The following UNC13C variants were observed in gnomAD, a reference collection of about 807,000 sequenced individuals.
The protein encoded by UNC13C is unc-13 homolog C.
UNC13C carries 174 observed loss-of-function variants against 245.4 expected under a neutral mutation model. The ratio of observed to expected loss-of-function variants is 0.71; its 90% confidence interval spans 0.63 to 0.80. The LOEUF (loss-of-function observed/expected upper bound fraction) is 0.80. Among genes scored for constraint, UNC13C ranks in the 30% least tolerant of loss-of-function variants. The pLI is 0.00. For synonymous variants in UNC13C, 992 were observed against 895.1 expected (o/e 1.11, Z -1.93); for missense variants, 2,829 against 2,602.9 (o/e 1.09, Z -1.89).
intron 31 of UNC13C, among the ~76,000 whole-genome samples, chr15:54,622,828 A>G (rs550951370): frequency 8.4e-4 from 128 of 152,246 alleles, no homozygotes; most frequent in Non-Finnish European, 1.5e-3. Flanking sequence ...TTGGTTTTAC[A>G]TTGTAAAAAC....
chr15:54,343,101 A>G (rs914931417), intron 17 of UNC13C, among the ~76,000 whole-genome samples: 4 of 151,940 alleles, frequency 2.6e-5, no homozygotes, highest in African/African-American at 9.7e-5. Flanking sequence ...GCTAAGATTG[A>G]AACTTTTTAT....
intron 19 of UNC13C, among the ~76,000 whole-genome samples, chr15:54,477,623 G>A (rs554454266): frequency 1.0e-4 from 12 of 120,468 alleles, no homozygotes; most frequent in Admixed American, 1.6e-4. Flanking sequence ...ATTGATTTGC[G>A]TATATTGAAC....
At chr15:54,614,367 G>A (rs904893945) in intron 30 of UNC13C, among the ~76,000 whole-genome samples, 2 of 151,784 alleles carry the variant, frequency 1.3e-5, no homozygotes, top group African/African-American at 4.8e-5. Context: ...GACTCTATAG[G>A]CATCTATTCA....
chr15:54,401,015 G>T (rs1205602254), intron 18 of UNC13C, among the ~76,000 whole-genome samples: 2 of 151,916 alleles, frequency 1.3e-5, no homozygotes, highest in Non-Finnish European at 2.9e-5. Flanking sequence ...GGTTTTATAA[G>T]GTTACCATTT....
chr15:54,481,741 A>C (rs1036220009), intron 19 of UNC13C, among the ~76,000 whole-genome samples: 1 of 152,094 alleles, frequency 6.6e-6, no homozygotes, highest in African/African-American at 2.4e-5. Flanking sequence ...TCCAGAGGAC[A>C]TGAAAAGTTG....
the UNC13C span, among the ~76,000 whole-genome samples, chr15:53,932,297 C>T: frequency 7.4e-6 from 1 of 134,980 alleles, no homozygotes; most frequent in Non-Finnish European, 1.6e-5. Context: ...AACAGTGAGA[C>T]TCCATCTCAA....
chr15:54,143,747 A>C, intron 4 of UNC13C, 63 bp downstream of exon 4: 1 of 1,289,536 alleles, frequency 7.8e-7, no homozygotes, highest in South Asian at 1.3e-5. Flanking sequence ...TGTGTTCTCA[A>C]CATATATGCT....
intron 30 of UNC13C, among the ~76,000 whole-genome samples, chr15:54,597,565 C>G (rs1010422811): frequency 6.6e-6 from 1 of 152,090 alleles, no homozygotes; most frequent in Non-Finnish European, 1.5e-5. Flanking sequence ...CCCTGAGACA[C>G]CGCAAAAGGG....
intron 1 of UNC13C, among the ~76,000 whole-genome samples, chr15:53,999,906 G>GGT (rs1894808734): frequency 1.3e-5 from 2 of 151,932 alleles, no homozygotes; most frequent in African/African-American, 4.8e-5. Context: ...CACGATATAT[G>GGT]CTCTGTAAGA....
intron 22 of UNC13C, among the ~76,000 whole-genome samples, chr15:54,503,935 G>T (rs943512259): frequency 6.6e-6 from 1 of 151,944 alleles, no homozygotes; most frequent in African/African-American, 2.4e-5. Context: ...TATCTGTAGA[G>T]ATTTAAAAAT....
chr15:54,050,951 T>A, intron 2 of UNC13C: 1 of 534,024 alleles, frequency 1.9e-6, no homozygotes, highest in South Asian at 1.4e-5. Flanking sequence ...CAGTGGCAAT[T>A]GCTTTCATAT....
chr15:54,278,722 TTCA>T (rs755243889), intron 10 of UNC13C, among the ~76,000 whole-genome samples: 22 of 152,158 alleles, frequency 1.4e-4, no homozygotes, highest in Non-Finnish European at 2.5e-4. Flanking sequence ...CACATCCTTC[TTCA>T]TCATGCAGAA....
Position 54,398,945 on chromosome 15 carries a change from A to T in UNC13C, c.4847+5764A>T, listed in dbSNP as rs539593668. On this transcript the variant is annotated intron_variant, in intron 18 of 32. Transcript: ENST00000260323. ...ATGTTTTGTTTTTTGTTTTAAATTA[A>T]TTTTTTTCTCATTCCTTTACTATTG... Among the ~76,000 whole-genome samples, 27 of 151,620 alleles carry T rather than the reference A, an allele frequency of 1.8e-4. No individual in the cohort carries two copies. The South Asian group carries it at 5.0e-3, about 28-fold the overall frequency.
the UNC13C span, among the ~76,000 whole-genome samples, chr15:53,894,257 G>T: frequency 6.6e-6 from 1 of 152,210 alleles, no homozygotes; most frequent in Non-Finnish European, 1.5e-5. Context: ...ATCGCGCTGG[G>T]AGCTGCAGAC....
At chr15:54,594,949 C>T (rs147846357) in intron 30 of UNC13C, among the ~76,000 whole-genome samples, 297 of 152,278 alleles carry the variant, frequency 2.0e-3, no homozygotes, top group African/African-American at 6.9e-3. Flanking sequence ...GGGCTCTGCC[C>T]AATTTATTGG....
At chr15:53,900,920 T>C in the UNC13C span, among the ~76,000 whole-genome samples, 2 of 152,164 alleles carry the variant, frequency 1.3e-5, no homozygotes, top group Non-Finnish European at 2.9e-5. Context: ...CATTCATTTT[T>C]TTTCCCTCCT....
chr15:54,265,177 ATGT>A (rs745557153), intron 9 of UNC13C, among the ~76,000 whole-genome samples, 175 bp from the exon 10 acceptor site: 11 of 152,002 alleles, frequency 7.2e-5, no homozygotes, highest in Non-Finnish European at 1.2e-4. Flanking sequence ...ACAGATTTTA[ATGT>A]TGTATATTTA....
chr15:54,126,651 A>C (rs1356969669), intron 2 of UNC13C, among the ~76,000 whole-genome samples: 2 of 152,196 alleles, frequency 1.3e-5, no homozygotes, highest in African/African-American at 4.8e-5. Context: ...AAGCATGGGC[A>C]AAGACTTCAG....
chr15:53,895,552 A>C, the UNC13C span, among the ~76,000 whole-genome samples: 1 of 152,164 alleles, frequency 6.6e-6, no homozygotes, highest in Non-Finnish European at 1.5e-5. Flanking sequence ...TAATTAAAAG[A>C]TATCCCAGCT....
Sources: gnomAD v4.1 joint callset for allele counts (sites outside exome capture counted in the v4.1 genomes callset) on GRCh38, gnomAD v4.1.1 for gene constraint, MANE v1.5 for transcripts, NCBI Gene and HGNC (gene_info 2026-07-23, HGNC 2026-07-21) for gene names.